ST6GAL2: variants seen among roughly 807,000 people sequenced by gnomAD.
ST6GAL2 encodes ST6 beta-galactoside alpha-2,6-sialyltransferase 2.
In ST6GAL2, 24 loss-of-function variants were observed where a neutral mutation model predicts 37.5. The observed-to-expected ratio is 0.64, with a 90% confidence interval of 0.46 to 0.90. The LOEUF is 0.90. Among genes scored for constraint, ST6GAL2 ranks in the 40% least tolerant of loss-of-function variants. ST6GAL2 has a pLI of 0.00. For missense variants in ST6GAL2, 715 were observed against 712.7 expected (o/e 1.00, Z -0.04); for synonymous variants, 306 against 295.1 (o/e 1.04, Z -0.38).
intron 2 of ST6GAL2, among the ~76,000 whole-genome samples, chr2:106,840,725 C>T (rs1203023897): frequency 6.6e-6 from 1 of 152,186 alleles, no homozygotes; most frequent in African/African-American, 2.4e-5. Context: ...CTTTCACGTT[C>T]TCTTCCAAAT....
intron 2 of ST6GAL2, chr2:106,841,216 G>A (rs1676868861): frequency 6.6e-6 from 1 of 152,162 alleles, no homozygotes; most frequent in African/African-American, 2.4e-5. Context: ...GGGCTTCTGA[G>A]CCTGCCTACA....
chr2:106,830,592 G>C (rs1183628384), intron 4 of ST6GAL2, among the ~76,000 whole-genome samples: 2 of 152,196 alleles, frequency 1.3e-5, no homozygotes, highest in Non-Finnish European at 2.9e-5. Context: ...TCGTAGCACG[G>C]AAGCAGTCAT....
chr2:106,826,539 C>CAAA (rs67548358), intron 5 of ST6GAL2, among the ~76,000 whole-genome samples: 2 of 103,446 alleles, frequency 1.9e-5, no homozygotes. Flanking sequence ...GACTCCGTCT[C>CAAA]AAAAAAAAAA....
In ST6GAL2 at chr2:106,806,576, G is replaced by T; in HGVS notation, c.*102C>A. 7.6e-7 allele frequency: 1 copy of T among 1,319,938 alleles called. No homozygotes were observed. Among genetic ancestry groups the T allele is most frequent in the Non-Finnish European group, 1.0e-6 (1 of 953,340 alleles). The allele number at this position is 1,319,938 out of a possible 1,614,324, so 81.8% of individuals were successfully genotyped here. A position where few individuals can be genotyped will look rare whatever the true frequency, so the allele number is the denominator to read the frequency against. Reference sequence around the variant, plus strand: ...GACCACCACTAAATTACTGTTTAAAGACTCAAAACTACACTGTCTAAAATC... The same window carrying T: ...GACCACCACTAAATTACTGTTTAAATACTCAAAACTACACTGTCTAAAATC... On this transcript the variant is annotated 3_prime_UTR_variant, in exon 6 of 6. Coordinates refer to ENST00000409382, the MANE Select transcript of ST6GAL2 (RefSeq NM_001142351.2).
intron 5 of ST6GAL2, among the ~76,000 whole-genome samples, chr2:106,815,747 T>C (rs1011244469): frequency 1.3e-5 from 2 of 152,228 alleles, no homozygotes; most frequent in African/African-American, 2.4e-5. Context: ...CAAGGTCATA[T>C]AGCTACTCAG....
chr2:106,842,241 T>G (rs1417267177), intron 2 of ST6GAL2, among the ~76,000 whole-genome samples: 16 of 152,166 alleles, frequency 1.1e-4, no homozygotes, highest in Admixed American at 1.0e-3. Flanking sequence ...ACACATATCC[T>G]CCTGGTGTGA....
chr2:106,803,407 T>C lies in ST6GAL2; in HGVS notation c.*3271A>G, dbSNP rs1218607662. On this transcript the variant is annotated 3_prime_UTR_variant, in exon 6 of 6. Transcript: ENST00000409382. ...CAACTTTTAATTGACCATCCCTTGG[T>C]CCTGAGCACAAAGTTCTCTGTAAGA... 1 of 152,144 alleles carries C rather than the reference T, an allele frequency of 6.6e-6. No homozygotes were observed. Among genetic ancestry groups the C allele is most frequent in the Non-Finnish European group, 1.5e-5 (1 of 68,032 alleles). 9.4% of individuals were successfully genotyped at this position (152,144 alleles called of 1,614,324 possible). A position where few individuals can be genotyped will look rare whatever the true frequency, so the allele number is the denominator to read the frequency against.
chr2:106,868,024 T>TA (rs1465776370), intron 1 of ST6GAL2, among the ~76,000 whole-genome samples: 1 of 152,188 alleles, frequency 6.6e-6, no homozygotes, highest in East Asian at 1.9e-4. Context: ...CTATGCCACT[T>TA]ACGCTGCTTA....
chr2:106,871,469 CTTT>C (rs890647197), intron 1 of ST6GAL2, among the ~76,000 whole-genome samples: 79 of 152,226 alleles, frequency 5.2e-4, no homozygotes, highest in African/African-American at 1.7e-3. Context: ...AGCTTAGTAA[CTTT>C]TTAACTGTAT....
chr2:106,880,087 C>T (rs910013988), intron 1 of ST6GAL2, among the ~76,000 whole-genome samples: 1 of 151,240 alleles, frequency 6.6e-6, no homozygotes, highest in Non-Finnish European at 1.5e-5. Context: ...TATTGACATA[C>T]TTTTAAAAGA....
intron 1 of ST6GAL2, among the ~76,000 whole-genome samples, chr2:106,858,617 A>G (rs988356360): frequency 6.6e-6 from 1 of 152,224 alleles, no homozygotes; most frequent in Non-Finnish European, 1.5e-5. Flanking sequence ...GGGCTGATGG[A>G]AAACAAGAGT....
intron 1 of ST6GAL2, among the ~76,000 whole-genome samples, chr2:106,845,617 A>C (rs1035243693): frequency 2.5e-4 from 38 of 152,350 alleles, no homozygotes; most frequent in Admixed American, 6.5e-4. Flanking sequence ...AACTGAAATC[A>C]AAATGAATGT....
chr2:106,821,743 A>G (rs972629869), intron 5 of ST6GAL2, among the ~76,000 whole-genome samples: 8 of 152,144 alleles, frequency 5.3e-5, no homozygotes, highest in Admixed American at 2.0e-4. Context: ...TTTGATGAAT[A>G]TTGATTTTAA....
intron 1 of ST6GAL2, among the ~76,000 whole-genome samples, chr2:106,859,493 T>A (rs562970574): frequency 7.9e-5 from 12 of 152,288 alleles, no homozygotes; most frequent in African/African-American, 2.9e-4. Flanking sequence ...CAAATATTTG[T>A]TATTCTTCTT....
At chr2:106,811,679 A>G (rs372566728) in intron 5 of ST6GAL2, among the ~76,000 whole-genome samples, 1 of 152,252 alleles carries the variant, frequency 6.6e-6, no homozygotes, top group East Asian at 1.9e-4. Flanking sequence ...CTCTTCTGCA[A>G]TGCCCCAATG....
chr2:106,828,892 G>C (rs1676304982), intron 5 of ST6GAL2, among the ~76,000 whole-genome samples: 2 of 152,080 alleles, frequency 1.3e-5, no homozygotes, highest in Admixed American at 6.6e-5. Flanking sequence ...AAAGAAATGG[G>C]GTAAAACCCA....
intron 1 of ST6GAL2, among the ~76,000 whole-genome samples, chr2:106,874,062 G>A (rs1211196722): frequency 6.6e-6 from 1 of 152,184 alleles, no homozygotes; most frequent in East Asian, 1.9e-4. Flanking sequence ...GATTTATGAA[G>A]AACCTCCAGG....
chr2:106,810,424 G>GA (rs1675560917), intron 5 of ST6GAL2, among the ~76,000 whole-genome samples: 1 of 152,174 alleles, frequency 6.6e-6, no homozygotes, highest in African/African-American at 2.4e-5. Flanking sequence ...TTTCTGCACA[G>GA]TTCTTCCTGA....
At position 106,843,045 on chromosome 2, in the gene ST6GAL2, G is replaced by T. The variant is rs561108366; in HGVS notation, c.933C>A (p.Gly311=). 4 of 1,432,254 alleles carry T rather than the reference G, an allele frequency of 2.8e-6. No individual in the cohort carries two copies. The highest frequency in any genetic ancestry group is 3.0e-5 in the African/African-American group (2 of 67,316). 88.7% of individuals were successfully genotyped at this position (1,432,254 alleles called of 1,614,324 possible). ...SAGAILNSSL[G]EEIDSHDAVL... ...CCCGCTGAGACCTACCTATTTCCTC[G>T]CCCAAGGAAGAGTTGAGGATTGCGC... Residue 311 remains glycine, a synonymous_variant, in exon 2 of 6, where the codon GGC becomes GGA. Coordinates refer to ENST00000409382, the MANE Select transcript of ST6GAL2 (RefSeq NM_001142351.2).
Sources: allele counts gnomAD v4.1 joint callset (sites outside exome capture counted in the v4.1 genomes callset), GRCh38; gene constraint gnomAD v4.1.1; transcripts MANE v1.5; gene names NCBI Gene and HGNC (gene_info 2026-07-23, HGNC 2026-07-21).